Variants in RAC1 observed in about 807,000 individuals in gnomAD.
RAC1 encodes Rac family small GTPase 1, also known as ras-related C3 botulinum toxin substrate 1.
In RAC1, 2 loss-of-function variants were observed where a neutral mutation model predicts 25.2. That is an observed-to-expected ratio of 0.08 (90% confidence interval 0.03 to 0.25). The LOEUF (loss-of-function observed/expected upper bound fraction) is 0.25, where lower values mean the gene tolerates loss of function less well. Ranked by LOEUF, RAC1 falls within the 10% of genes least tolerant of loss-of-function variation. The pLI, the probability that RAC1 is intolerant of heterozygous loss-of-function variation, is 1.00. For missense variants in RAC1, 50 were observed against 235.7 expected (o/e 0.21, Z 5.16); for synonymous variants, 88 against 94.0 (o/e 0.94, Z 0.37).
chr7:6,387,151 A>C (rs1782945481), intron 1 of RAC1, 61 bp from the exon 2 acceptor site: 8 of 1,052,262 alleles, frequency 7.6e-6, no homozygotes, highest in Non-Finnish European at 1.1e-5. Context: ...TTTTAACTTA[A>C]TAGTGAAAGC....
At position 6,390,429 on chromosome 7, in the gene RAC1, A is replaced by C. The variant is rs1783059035; in HGVS notation, c.108-1495A>C. 2.0e-5 allele frequency among the ~76,000 whole-genome samples: 3 copies of C among 151,744 alleles called. No individual in the cohort carries two copies. The South Asian group carries it at 6.2e-4, about 31-fold the overall frequency. The stretch of plus-strand genomic sequence containing the variant: ...AGCCTGATCAACATGGTGAAACCCC[A>C]TCTCTACTAAAAATACAAAAATTAA... On this transcript the variant is annotated intron_variant, in intron 2 of 5. Transcript: ENST00000348035.
Position 6,387,648 on chromosome 7 carries a change from C to T in RAC1, c.107+365C>T, listed in dbSNP as rs745995159. On this transcript the variant is annotated intron_variant, in intron 2 of 5. Transcript: ENST00000348035. The stretch of plus-strand genomic sequence containing the variant: ...GCTGAGGCAGGAGAATCACTCGAAC[C>T]GTGGAGGCGGAGGTTGCAGTGAGCC... Among the ~76,000 whole-genome samples the T allele has an allele frequency of 5.3e-5, 8 of 151,608 alleles. No homozygotes were observed. In the South Asian group the frequency reaches 1.0e-3, roughly 20 times the overall value.
chr7:6,379,612 G>C lies in RAC1; in HGVS notation c.35+4842G>C, dbSNP rs1320416621. Among the ~76,000 whole-genome samples, 3 of 152,176 alleles carry C rather than the reference G, an allele frequency of 2.0e-5. No homozygotes were observed. In the South Asian group the frequency reaches 6.2e-4, roughly 31 times the overall value. On this transcript the variant is annotated intron_variant, in intron 1 of 5. Coordinates refer to ENST00000348035, the MANE Select transcript of RAC1 (RefSeq NM_006908.5). ...TTTAATAGAGACAGGGTTTCACCAT[G>C]TTGACCAGGTTGGTTTCGAACTCCT...
intron 1 of RAC1, among the ~76,000 whole-genome samples, chr7:6,384,560 C>T (rs1782868024): frequency 6.6e-6 from 1 of 152,078 alleles, no homozygotes; most frequent in Admixed American, 6.5e-5. Context: ...TCACTGCTGC[C>T]CTGAATTCCT....
rs35922417 is a variant in RAC1 at position 6,374,976 on chromosome 7, C to T, written c.35+206C>T. Among the ~76,000 whole-genome samples the T allele has an allele frequency of 1.7e-3, 264 of 151,810 alleles. 1 individual carries two copies. The highest frequency in any genetic ancestry group is 6.0e-3 in the African/African-American group (248 of 41,508). ...GCGGCGCGTGCCTGGTTCCGGCTCT[C>T]GATGGAGGAGGGCCTCGCCGCTCGC... is the stretch of plus-strand genomic sequence containing the variant. On this transcript the variant is annotated intron_variant, in intron 1 of 5. Coordinates refer to ENST00000348035, the MANE Select transcript of RAC1 (RefSeq NM_006908.5).
At position 6,385,941 on chromosome 7, in the gene RAC1, C is replaced by T. The variant is rs544405613; in HGVS notation, c.36-1271C>T. On this transcript the variant is annotated intron_variant, in intron 1 of 5. Transcript: ENST00000348035. Reference sequence around the variant, plus strand: ...TTGAATTCTCATGTAAGCCCTTAAGCTTGCCTTGTCAATGCTGTAAAAATT... The same window carrying T: ...TTGAATTCTCATGTAAGCCCTTAAGTTTGCCTTGTCAATGCTGTAAAAATT... Among the ~76,000 whole-genome samples the T allele has an allele frequency of 5.3e-5, 8 of 152,308 alleles. No homozygotes were observed. The South Asian group carries it at 1.7e-3, about 32-fold the overall frequency.
intron 1 of RAC1, among the ~76,000 whole-genome samples, chr7:6,378,982 C>T (rs555225288): frequency 5.3e-5 from 8 of 151,844 alleles, no homozygotes; most frequent in Non-Finnish European, 1.0e-4. Flanking sequence ...CCTAGCTACT[C>T]GGGAGGCTGA....
intron 1 of RAC1, among the ~76,000 whole-genome samples, chr7:6,383,118 A>G (rs537235274): frequency 1.1e-4 from 17 of 152,306 alleles, no homozygotes; most frequent in African/African-American, 3.4e-4. Flanking sequence ...GCAGTTAATT[A>G]TATAAAGTTA....
In RAC1 at chr7:6,398,164, C is replaced by T. The variant is rs1028989511; in HGVS notation, c.226-1962C>T. On this transcript the variant is annotated intron_variant, in intron 3 of 5. Coordinates refer to ENST00000348035, the MANE Select transcript of RAC1 (RefSeq NM_006908.5). ...TTCTGCATAGGAGACTTGGAATGTTCTGGCAGCATTAAAACCCTGAGGCCC... is the reference window on the plus strand; with the variant it reads ...TTCTGCATAGGAGACTTGGAATGTTTTGGCAGCATTAAAACCCTGAGGCCC... Among the ~76,000 whole-genome samples the T allele has an allele frequency of 2.0e-5, 3 of 152,228 alleles. 1 individual carries two copies. In the South Asian group the frequency reaches 6.2e-4, roughly 31 times the overall value.
chr7:6,389,419 G>A (rs1052403553), intron 2 of RAC1, among the ~76,000 whole-genome samples: 1 of 150,666 alleles, frequency 6.6e-6, no homozygotes, highest in Admixed American at 6.6e-5. Flanking sequence ...GTTTGCTCAC[G>A]CCTGTAATCC....
At chr7:6,391,082 GAC>G (rs1389706745) in intron 2 of RAC1, among the ~76,000 whole-genome samples, 1 of 152,118 alleles carries the variant, frequency 6.6e-6, no homozygotes, top group Non-Finnish European at 1.5e-5. Context: ...ATTTTTAGTA[GAC>G]ACAAAGTTTC....
intron 3 of RAC1, 87 bp downstream of exon 3, chr7:6,392,128 T>A: frequency 1.3e-6 from 2 of 1,587,240 alleles, no homozygotes; most frequent in Non-Finnish European, 1.7e-6. Context: ...ATGGACTTGC[T>A]TATATTGCCA....
chr7:6,387,119 G>A lies in RAC1; in HGVS notation c.36-93G>A, dbSNP rs548958797. 6 of 847,082 alleles carry A rather than the reference G, an allele frequency of 7.1e-6. No individual in the cohort carries two copies. In the South Asian group the frequency reaches 8.0e-5, roughly 11 times the overall value. The allele number at this position is 847,082 out of a possible 1,614,324, so 52.5% of individuals were successfully genotyped here. ...GCTAAGTATGTGATGTATATGCCTT[G>A]ATTTTTTTTCTCTAGAAATTATTTT... On this transcript the variant is annotated intron_variant, in intron 1 of 5. Coordinates refer to ENST00000348035, the MANE Select transcript of RAC1 (RefSeq NM_006908.5).
intron 2 of RAC1, chr7:6,391,517 C>G (rs1426088528): frequency 4.7e-6 from 1 of 211,564 alleles, no homozygotes; most frequent in African/African-American, 2.3e-5. Context: ...CAGAGGGTAG[C>G]TCTAGTGGCC....
intron 3 of RAC1, 126 bp from the exon 4 acceptor site, chr7:6,400,000 C>G (rs905947439): frequency 5.9e-6 from 5 of 854,370 alleles, no homozygotes; most frequent in African/African-American, 1.7e-5. Flanking sequence ...CAGGAAGCGT[C>G]TGACCACACC....
intron 1 of RAC1, among the ~76,000 whole-genome samples, chr7:6,380,840 T>C (rs575045182): frequency 2.0e-4 from 31 of 152,272 alleles, no homozygotes; most frequent in Non-Finnish European, 4.3e-4. Context: ...AGAGGATTTA[T>C]AGAGGAGTTG....
chr7:6,399,678 C>A (rs1373287561), intron 3 of RAC1: 1 of 155,236 alleles, frequency 6.4e-6, no homozygotes, highest in Non-Finnish European at 1.4e-5. Flanking sequence ...TATTGGAGCC[C>A]CCGCTTGGTG....
chr7:6,396,294 C>G (rs1270590728), intron 3 of RAC1, among the ~76,000 whole-genome samples: 1 of 152,156 alleles, frequency 6.6e-6, no homozygotes, highest in Non-Finnish European at 1.5e-5. Flanking sequence ...AATAGAGCCT[C>G]CCAGCCAGGG....
intron 3 of RAC1, among the ~76,000 whole-genome samples, chr7:6,396,159 T>A (rs1783229301): frequency 6.6e-6 from 1 of 152,162 alleles, no homozygotes; most frequent in South Asian, 2.1e-4. Context: ...CATAGGCCGG[T>A]GACCGGAGAC....
Sources: allele counts gnomAD v4.1 joint callset (sites outside exome capture counted in the v4.1 genomes callset), GRCh38; gene constraint gnomAD v4.1.1; transcripts MANE v1.5; gene names NCBI Gene and HGNC (gene_info 2026-07-23, HGNC 2026-07-21).